The following RERE variants were observed in gnomAD, a reference collection of about 807,000 sequenced individuals.
The protein encoded by RERE is arginine-glutamic acid dipeptide repeats protein.
Under a neutral mutation model 146.1 loss-of-function variants are expected in RERE, and 40 were observed. The observed-to-expected ratio is 0.27, with a 90% CI of 0.21 to 0.36. RERE has a LOEUF of 0.36. RERE is among the 10% of genes least tolerant of loss of function. The probability of loss-of-function intolerance (pLI) is 1.00; values close to 1 mark genes in which losing one functional copy is unlikely to be tolerated. For synonymous variants in RERE, 1,003 were observed against 866.0 expected (o/e 1.16, Z -2.78); for missense variants, 1,933 against 2,138.7 (o/e 0.90, Z 1.90).
intron 12 of RERE, among the ~76,000 whole-genome samples, chr1:8,418,447 G>T (rs1643836962): frequency 6.6e-6 from 1 of 152,184 alleles, no homozygotes; most frequent in South Asian, 2.1e-4. Flanking sequence ...AGATCACATT[G>T]TCTTCTCACC....
At chr1:8,402,989 C>T (rs529988518) in intron 12 of RERE, among the ~76,000 whole-genome samples, 1 of 152,238 alleles carries the variant, frequency 6.6e-6, no homozygotes, top group East Asian at 1.9e-4. Context: ...ACCTCTGCCT[C>T]CCGGGTTCAA....
chr1:8,432,126 A>G (rs1644103820), intron 11 of RERE, among the ~76,000 whole-genome samples: 1 of 152,142 alleles, frequency 6.6e-6, no homozygotes, highest in African/African-American at 2.4e-5. Flanking sequence ...GTGTTCTCTT[A>G]TTTGAAGACC....
chr1:8,727,510 T>C (rs1043569121), intron 1 of RERE, among the ~76,000 whole-genome samples: 6 of 151,500 alleles, frequency 4.0e-5, no homozygotes, highest in Non-Finnish European at 1.5e-5. Context: ...TGTTTGTTTG[T>C]TTTGGACAGC....
At chr1:8,562,093 A>T (rs769747005) in intron 4 of RERE, among the ~76,000 whole-genome samples, 2 of 152,232 alleles carry the variant, frequency 1.3e-5, no homozygotes, top group South Asian at 4.1e-4. Context: ...CAAGTGGATG[A>T]GCTCAAAAAA....
chr1:8,717,651 G>A (rs956701761), intron 1 of RERE, among the ~76,000 whole-genome samples: 1 of 152,330 alleles, frequency 6.6e-6, no homozygotes, highest in Non-Finnish European at 1.5e-5. Flanking sequence ...TTTGCAATCT[G>A]TTAAGTTTCA....
intron 11 of RERE, among the ~76,000 whole-genome samples, chr1:8,442,640 G>A (rs546461392): frequency 4.6e-5 from 7 of 152,030 alleles, no homozygotes; most frequent in African/African-American, 7.2e-5. Context: ...GGCCTAATTC[G>A]GAAAATTGGT....
At chr1:8,624,245 T>C in intron 3 of RERE, 65 bp downstream of exon 3, 5 of 1,245,554 alleles carry the variant, frequency 4.0e-6, no homozygotes, top group South Asian at 1.2e-5. Context: ...CAATAAGAGA[T>C]AGCCAATGGA....
At chr1:8,502,248 G>C (rs865910261) in intron 8 of RERE, among the ~76,000 whole-genome samples, 28 of 113,032 alleles carry the variant, frequency 2.5e-4, no homozygotes, top group African/African-American at 9.8e-4. Flanking sequence ...CACCCCGTCC[G>C]GGAGGTGAGG....
intron 1 of RERE, among the ~76,000 whole-genome samples, chr1:8,716,760 T>C (rs1430241833): frequency 6.6e-6 from 1 of 151,820 alleles, no homozygotes; most frequent in African/African-American, 2.4e-5. Context: ...CACTAACCCA[T>C]GTGCTTTGAT....
At chr1:8,400,222 A>ATATATGTGTGTGTGTG (rs368219880) in intron 12 of RERE, among the ~76,000 whole-genome samples, 8 of 140,062 alleles carry the variant, frequency 5.7e-5, no homozygotes, top group African/African-American at 1.8e-4. Flanking sequence ...CCTGTGTCAT[A>ATATATGTGTGTGTGTG]TGTGTGTGTG....
At chr1:8,671,380 T>C (rs1410187313) in intron 1 of RERE, among the ~76,000 whole-genome samples, 3 of 152,072 alleles carry the variant, frequency 2.0e-5, no homozygotes, top group Non-Finnish European at 4.4e-5. Context: ...CGGGTGCCTA[T>C]GGACAACTTC....
chr1:8,544,242 A>C (rs1161087535), intron 6 of RERE, among the ~76,000 whole-genome samples: 1 of 152,190 alleles, frequency 6.6e-6, no homozygotes, highest in Admixed American at 6.5e-5. Flanking sequence ...CAAGGTATTA[A>C]ATTTTTAAAA....
At chr1:8,629,710 A>C (rs1482079704) in intron 2 of RERE, among the ~76,000 whole-genome samples, 1 of 152,190 alleles carries the variant, frequency 6.6e-6, no homozygotes, top group Non-Finnish European at 1.5e-5. Context: ...GCAGTGCCAC[A>C]CACGCCAGTA....
chr1:8,549,730 G>T (rs1645911209), intron 6 of RERE, among the ~76,000 whole-genome samples: 1 of 152,284 alleles, frequency 6.6e-6, no homozygotes, highest in East Asian at 1.9e-4. Context: ...AAGTGGACAA[G>T]GTCAATGTCA....
At chr1:8,762,132 T>C (rs1341160789) in intron 1 of RERE, among the ~76,000 whole-genome samples, 1 of 152,172 alleles carries the variant, frequency 6.6e-6, no homozygotes, top group Non-Finnish European at 1.5e-5. Flanking sequence ...CCAAGCAACC[T>C]TGTGTAATCT....
At chr1:8,597,226 C>G (rs1646565569) in intron 4 of RERE, among the ~76,000 whole-genome samples, 1 of 151,898 alleles carries the variant, frequency 6.6e-6, no homozygotes, top group Non-Finnish European at 1.5e-5. Flanking sequence ...GCAGCTGGGA[C>G]TAGAGGTGTG....
chr1:8,789,301 A>AAAAATATATAT, intron 1 of RERE, among the ~76,000 whole-genome samples: 29 of 24,806 alleles, frequency 1.2e-3, no homozygotes, highest in African/African-American at 5.1e-3. Flanking sequence ...AAAAAAAAAA[A>AAAAATATATAT]ATATATATAT....
chr1:8,508,512 T>TA lies in RERE; in HGVS notation c.879+114dup, dbSNP rs569169430. The TA allele has an allele frequency of 2.9e-5, 23 of 792,480 alleles. No individual in the cohort carries two copies. The African/African-American group carries it at 3.0e-4, about 10-fold the overall frequency. The allele number at this position is 792,480 out of a possible 1,614,324, so 49.1% of individuals were successfully genotyped here. A position where few individuals can be genotyped will look rare whatever the true frequency, so the allele number is the denominator to read the frequency against. On this transcript the variant is annotated intron_variant, in intron 8 of 22. Transcript: ENST00000400908. ...GGTGGAAAAAAAACCTCTGTATTTATAAAAAATTCCCGATAGCAATAACCA... is the reference window on the plus strand; with the variant it reads ...GGTGGAAAAAAAACCTCTGTATTTATAAAAAAATTCCCGATAGCAATAACCA...
At chr1:8,637,725 C>A (rs1438460079) in intron 2 of RERE, among the ~76,000 whole-genome samples, 2 of 152,194 alleles carry the variant, frequency 1.3e-5, no homozygotes, top group Non-Finnish European at 2.9e-5. Context: ...TCTATTGACA[C>A]AACATTTCTC....
Sources: allele counts gnomAD v4.1 joint callset (sites outside exome capture counted in the v4.1 genomes callset), GRCh38; gene constraint gnomAD v4.1.1; transcripts MANE v1.5; gene names NCBI Gene and HGNC (gene_info 2026-07-23, HGNC 2026-07-21).